Variants in SLC39A9 observed in about 807,000 individuals in gnomAD.
SLC39A9 encodes zinc transporter ZIP9.
Under a neutral mutation model 28.4 loss-of-function variants are expected in SLC39A9, and 14 were observed. The ratio of observed to expected loss-of-function variants is 0.49; its 90% confidence interval spans 0.33 to 0.77. The LOEUF is 0.77. Ranked by LOEUF, SLC39A9 falls within the 30% of genes least tolerant of loss-of-function variation. The probability of loss-of-function intolerance (pLI) is 0.02; values close to 1 mark genes in which losing one functional copy is unlikely to be tolerated. For missense variants in SLC39A9, 283 were observed against 381.1 expected, an observed-to-expected ratio of 0.74 and a Z score of 2.14; for synonymous variants, 119 against 149.6, an observed-to-expected ratio of 0.80 and a Z score of 1.49.
At chr14:69,431,885 C>T (rs1884514761) in intron 2 of SLC39A9, among the ~76,000 whole-genome samples, 1 of 152,156 alleles carries the variant, frequency 6.6e-6, no homozygotes, top group Non-Finnish European at 1.5e-5. Flanking sequence ...CTGCAAAGAA[C>T]ATGATTTCAT....
intron 1 of SLC39A9, among the ~76,000 whole-genome samples, chr14:69,411,073 A>G (rs1883234836): frequency 6.6e-6 from 1 of 152,042 alleles, no homozygotes; most frequent in Admixed American, 6.6e-5. Context: ...TTAGCTGGGC[A>G]TGATGGCACA....
At chr14:69,454,583 G>T in intron 4 of SLC39A9, 1 of 378,376 alleles carries the variant, frequency 2.6e-6, no homozygotes, top group African/African-American at 2.1e-5. Flanking sequence ...GAATACTCTG[G>T]GCCAGATGCT....
At chr14:69,441,149 C>T (rs916745963) in intron 2 of SLC39A9, among the ~76,000 whole-genome samples, 1 of 152,046 alleles carries the variant, frequency 6.6e-6, no homozygotes, top group African/African-American at 2.4e-5. Flanking sequence ...TATGGTGGTA[C>T]TTGCCTGTGG....
chr14:69,399,507 T>TGA, intron 1 of SLC39A9, 42 bp downstream of exon 1: 1 of 1,544,488 alleles, frequency 6.5e-7, no homozygotes, highest in Non-Finnish European at 8.9e-7. Flanking sequence ...AGGATGGCTG[T>TGA]GAGATAGTAG....
intron 1 of SLC39A9, among the ~76,000 whole-genome samples, chr14:69,423,456 A>G (rs1290027842): frequency 6.6e-6 from 1 of 152,214 alleles, no homozygotes; most frequent in Non-Finnish European, 1.5e-5. Flanking sequence ...CAAAGAGTTC[A>G]CATTTTTGAG....
At chr14:69,437,122 C>T (rs1884802035) in intron 2 of SLC39A9, among the ~76,000 whole-genome samples, 1 of 152,174 alleles carries the variant, frequency 6.6e-6, no homozygotes, top group South Asian at 2.1e-4. Context: ...CTGCCTCGGC[C>T]TCCCAAAGTG....
chr14:69,402,086 G>A (rs936646250), intron 1 of SLC39A9, among the ~76,000 whole-genome samples: 3 of 152,130 alleles, frequency 2.0e-5, no homozygotes, highest in African/African-American at 7.2e-5. Context: ...GGCTTTCTTA[G>A]AGGCTAGTGT....
Position 69,458,935 on chromosome 14 carries a change from T to C in SLC39A9, c.*342T>C. Reference sequence around the variant, plus strand: ...CTTCATACTCACAATGAAATAGTGATTATGAAAATACAGTGTTCTGTAATT... The same window carrying C: ...CTTCATACTCACAATGAAATAGTGACTATGAAAATACAGTGTTCTGTAATT... On this transcript the variant is annotated 3_prime_UTR_variant, in exon 7 of 7. Coordinates refer to ENST00000336643, the MANE Select transcript of SLC39A9 (RefSeq NM_018375.5). The C allele has an allele frequency of 9.7e-7, 1 of 1,033,000 alleles. No homozygotes were observed. The highest frequency in any genetic ancestry group is 1.7e-5 in the African/African-American group (1 of 59,336). 64.0% of individuals were successfully genotyped at this position (1,033,000 alleles called of 1,614,324 possible).
chr14:69,455,388 G>A (rs1157884333), intron 5 of SLC39A9, among the ~76,000 whole-genome samples: 2 of 152,060 alleles, frequency 1.3e-5, no homozygotes, highest in African/African-American at 2.4e-5. Context: ...GTGCAATGGT[G>A]TGATCTCGGC....
chr14:69,449,835 A>G (rs1885518146), intron 3 of SLC39A9, among the ~76,000 whole-genome samples: 1 of 151,764 alleles, frequency 6.6e-6, no homozygotes, highest in South Asian at 2.1e-4. Context: ...TTTCCCTCTG[A>G]CATCCTGCTC....
intron 2 of SLC39A9, among the ~76,000 whole-genome samples, chr14:69,427,561 C>T (rs1035693090): frequency 6.6e-6 from 1 of 152,142 alleles, no homozygotes; most frequent in African/African-American, 2.4e-5. Flanking sequence ...TTTTGTCACC[C>T]TAAAAAGTAT....
chr14:69,429,087 T>C (rs1884350190), intron 2 of SLC39A9: 1 of 152,144 alleles, frequency 6.6e-6, no homozygotes, highest in African/African-American at 2.4e-5. Flanking sequence ...TTTCCTAATC[T>C]TAAAATCTAT....
chr14:69,460,601 G>C lies in SLC39A9; in HGVS notation c.*2008G>C. ...TTCTATCATATTGTTGTGTGCAATG[G>C]TAATTTGTTCTACTGGCCAAAGCCT... On this transcript the variant is annotated 3_prime_UTR_variant, in exon 7 of 7. Transcript: ENST00000336643. The C allele has an allele frequency of 1.0e-6, 1 of 985,424 alleles. No individual in the cohort carries two copies. The highest frequency in any genetic ancestry group is 1.7e-5 in the African/African-American group (1 of 57,352). 61.0% of individuals were successfully genotyped at this position (985,424 alleles called of 1,614,324 possible). A position where few individuals can be genotyped will look rare whatever the true frequency, so the allele number is the denominator to read the frequency against.
At chr14:69,417,723 C>T (rs931107723) in intron 1 of SLC39A9, among the ~76,000 whole-genome samples, 7 of 152,088 alleles carry the variant, frequency 4.6e-5, no homozygotes, top group Admixed American at 3.9e-4. Flanking sequence ...GTATTTTATT[C>T]TCTTTGTAGC....
At chr14:69,440,396 C>T (rs1053578575) in intron 2 of SLC39A9, among the ~76,000 whole-genome samples, 10 of 152,006 alleles carry the variant, frequency 6.6e-5, no homozygotes, top group Non-Finnish European at 1.2e-4. Context: ...CCAGCCTGGG[C>T]AACATGGCAA....
Position 69,455,838 on chromosome 14 carries a change from C to G in SLC39A9, c.665C>G (p.Ser222Cys), listed in dbSNP as rs1257909487. ...TTTGCATTGGCAGCACCAGTTATGTCCATGGTGACATACTTAGGACTGAGT... is the reference window on the plus strand; with the variant it reads ...TTTGCATTGGCAGCACCAGTTATGTGCATGGTGACATACTTAGGACTGAGT... ...LVFALAAPVM[S>C]MVTYLGLSKS... The change falls in exon 6 of 7, where the codon TCC becomes TGC. Residue 222 changes from serine to cysteine, a missense_variant. Ser to Cys is a moderately radical substitution (Grantham distance 112, BLOSUM62 -1). Transcript: ENST00000336643. 1 of 1,614,176 alleles carries G rather than the reference C, an allele frequency of 6.2e-7. No individual in the cohort carries two copies.
upstream of SLC39A9, chr14:69,398,403 A>G: frequency 1.2e-6 from 1 of 850,288 alleles, no homozygotes; most frequent in South Asian, 1.6e-5. Context: ...TCCGGCAGCT[A>G]GAGCAGCTAC....
At position 69,460,037 on chromosome 14, in the gene SLC39A9, T is replaced by C. The variant is rs1886047922; in HGVS notation, c.*1444T>C. 2.0e-6 allele frequency: 2 copies of C among 984,862 alleles called. No homozygotes were observed. Among genetic ancestry groups the C allele is most frequent in the Admixed American group, 1.2e-4 (2 of 16,260 alleles). The allele number at this position is 984,862 out of a possible 1,614,324, so 61.0% of individuals were successfully genotyped here. On this transcript the variant is annotated 3_prime_UTR_variant, in exon 7 of 7. Transcript: ENST00000336643. Reference sequence around the variant, plus strand: ...AGCAAAAGTGTTTAACAGACTAGGATAATTTTTTTTTCATATTTGCCAAAA... The same window carrying C: ...AGCAAAAGTGTTTAACAGACTAGGACAATTTTTTTTTCATATTTGCCAAAA...
At chr14:69,440,577 C>T (rs1411083520) in intron 2 of SLC39A9, among the ~76,000 whole-genome samples, 2 of 152,114 alleles carry the variant, frequency 1.3e-5, no homozygotes, top group Non-Finnish European at 2.9e-5. Flanking sequence ...AGGGCCATAC[C>T]TGTCTCAAAA....
Sources: gnomAD v4.1 joint callset for allele counts (sites outside exome capture counted in the v4.1 genomes callset) on GRCh38, gnomAD v4.1.1 for gene constraint, MANE v1.5 for transcripts, NCBI Gene and HGNC (gene_info 2026-07-23, HGNC 2026-07-21) for gene names.